Variants in NXPH4 observed in about 807,000 individuals in gnomAD.
NXPH4 encodes the protein neurexophilin-4.
NXPH4 carries 8 observed loss-of-function variants against 21.3 expected under a neutral mutation model. The observed-to-expected ratio is 0.38, with a 90% CI of 0.22 to 0.68. NXPH4 has a LOEUF of 0.68. Ranked by LOEUF, NXPH4 falls within the 30% of genes least tolerant of loss-of-function variation. The probability of loss-of-function intolerance (pLI) is 0.53; values close to 1 mark genes in which losing one functional copy is unlikely to be tolerated. For missense variants in NXPH4, 418 were observed against 416.8 expected (o/e 1.00, Z -0.03); for synonymous variants, 219 against 192.6 (o/e 1.14, Z -1.13).
At chr12:57,224,492 C>T (rs1214263132) in intron 1 of NXPH4, among the ~76,000 whole-genome samples, 3 of 152,180 alleles carry the variant, frequency 2.0e-5, no homozygotes, top group Non-Finnish European at 4.4e-5. Context: ...TGCTCAGAGT[C>T]CAGTCCCTCC....
intron 1 of NXPH4, among the ~76,000 whole-genome samples, chr12:57,217,601 C>A (rs906837946): frequency 2.6e-5 from 4 of 152,202 alleles, no homozygotes; most frequent in African/African-American, 4.8e-5. Flanking sequence ...TGCACGACCT[C>A]ACAGACACAC....
At chr12:57,224,073 T>C (rs1417185263) in intron 1 of NXPH4, among the ~76,000 whole-genome samples, 4 of 152,242 alleles carry the variant, frequency 2.6e-5, no homozygotes, top group African/African-American at 9.6e-5. Flanking sequence ...CTCTGGTCTC[T>C]GAGGTCCTGG....
chr12:57,217,514 A>T (rs1217821545), intron 1 of NXPH4, among the ~76,000 whole-genome samples: 3 of 152,162 alleles, frequency 2.0e-5, no homozygotes, highest in Non-Finnish European at 4.4e-5. Context: ...ACACGCACAC[A>T]CGGACTCAGG....
rs541756086 is a variant in NXPH4, at chr12:57,225,804, A to AC, written c.*62dup. ...CCAAATCCCAGCCTCACTAGGTGGGACCCCCTTCCCAGTGTTCTGCCGCTC... is the reference window on the plus strand; with the variant it reads ...CCAAATCCCAGCCTCACTAGGTGGGACCCCCCTTCCCAGTGTTCTGCCGCTC... On this transcript the variant is annotated 3_prime_UTR_variant, in exon 2 of 2. Coordinates refer to ENST00000349394, the MANE Select transcript of NXPH4 (RefSeq NM_007224.4). 1.5e-3 allele frequency: 2,346 copies of AC among 1,556,046 alleles called. 2 individuals carry two copies. Among genetic ancestry groups the AC allele is most frequent in the South Asian group, 3.3e-3 (274 of 83,212 alleles).
In NXPH4 at chr12:57,225,835, G is replaced by A. The variant is rs2037141489; in HGVS notation, c.*88G>A. 6.6e-7 allele frequency: 1 copy of A among 1,524,574 alleles called. No homozygotes were observed. Among genetic ancestry groups the A allele is most frequent in the African/African-American group, 1.4e-5 (1 of 72,572 alleles). The allele number at this position is 1,524,574 out of a possible 1,614,324, so 94.4% of individuals were successfully genotyped here. On this transcript the variant is annotated 3_prime_UTR_variant, in exon 2 of 2. Coordinates refer to ENST00000349394, the MANE Select transcript of NXPH4 (RefSeq NM_007224.4). ...TTCCCAGTGTTCTGCCGCTCCTGTGGCCATGTCGCCCACTCCTTCCACTCT... is the reference window on the plus strand; with the variant it reads ...TTCCCAGTGTTCTGCCGCTCCTGTGACCATGTCGCCCACTCCTTCCACTCT...
chr12:57,224,420 C>T (rs372538608), intron 1 of NXPH4, among the ~76,000 whole-genome samples: 19 of 152,282 alleles, frequency 1.2e-4, no homozygotes, highest in African/African-American at 4.3e-4. Flanking sequence ...CCGCGTGTGC[C>T]GGGCGGGAGC....
At chr12:57,223,370 C>T (rs932008373) in intron 1 of NXPH4, among the ~76,000 whole-genome samples, 1 of 152,080 alleles carries the variant, frequency 6.6e-6, no homozygotes, top group Non-Finnish European at 1.5e-5. Flanking sequence ...CCCAGCCAAT[C>T]CAGGCACATA....
intron 1 of NXPH4, 29 bp from the exon 2 acceptor site, chr12:57,224,849 G>GTC (rs745896523): frequency 1.5e-5 from 10 of 672,526 alleles, no homozygotes; most frequent in Middle Eastern, 3.9e-4. Context: ...CAACCCCAGC[G>GTC]TCTCTCTCTC....
chr12:57,217,742 G>A (rs2037054273), intron 1 of NXPH4, among the ~76,000 whole-genome samples: 1 of 152,218 alleles, frequency 6.6e-6, no homozygotes, highest in Admixed American at 6.5e-5. Flanking sequence ...CAGAGGCTAA[G>A]GGAGCTCAGA....
intron 1 of NXPH4, among the ~76,000 whole-genome samples, chr12:57,221,810 T>C (rs1015503077): frequency 2.6e-5 from 4 of 152,194 alleles, no homozygotes; most frequent in African/African-American, 4.8e-5. Flanking sequence ...ACAAGAGCTC[T>C]GGGCAGAGGA....
intron 1 of NXPH4, among the ~76,000 whole-genome samples, chr12:57,224,290 T>TA (rs75008988): frequency 0.019 from 2,896 of 152,136 alleles, 57 homozygotes; most frequent in East Asian, 0.069. Context: ...AACGCCCGCC[T>TA]AATTTTAGTA....
chr12:57,225,491 G>T lies in NXPH4; in HGVS notation c.671G>T (p.Gly224Val). Residue 224 changes from glycine to valine, a missense_variant, in exon 2 of 2, where the codon GGG becomes GTG. Coordinates refer to ENST00000349394, the MANE Select transcript of NXPH4 (RefSeq NM_007224.4). ...CTTGGGGGCGCGTTGGGAGTGCCTG[G>T]GGCCAAAGAGTCACGCGCTTTCAAT... ...GPLGGALGVP[G>V]AKESRAFNCH... The T allele has an allele frequency of 6.2e-7, 1 of 1,607,286 alleles. No homozygotes were observed.
In NXPH4 at chr12:57,216,955, C is replaced by T; in HGVS notation, c.-15C>T. The T allele has an allele frequency of 6.3e-7, 1 of 1,587,482 alleles. No homozygotes were observed. Among genetic ancestry groups the T allele is most frequent in the South Asian group, 1.1e-5 (1 of 87,364 alleles). On this transcript the variant is annotated 5_prime_UTR_variant, in exon 1 of 2. Transcript: ENST00000349394. The surrounding 1 kb of genome is among the most constrained non-coding windows in gnomAD (Gnocchi z 5.3). ...CGAGACCCGCCCAGCCTGCCCCGCT[C>T]AGCCGCCAGAGAAGATGCGGCTGCT...
chr12:57,225,006 C>T lies in NXPH4; in HGVS notation c.186C>T (p.Gly62=). The T allele has an allele frequency of 1.3e-6, 2 of 1,495,414 alleles. No individual in the cohort carries two copies. The highest frequency in any genetic ancestry group is 1.3e-5 in the South Asian group (1 of 79,098). The allele number at this position is 1,495,414 out of a possible 1,614,324, so 92.6% of individuals were successfully genotyped here. ...GGTCTTCGGACGGCCTAGGCGTGGGCCGCGCCTGGAGCTGGGCCTGGCCGA... is the reference window on the plus strand; with the variant it reads ...GGTCTTCGGACGGCCTAGGCGTGGGTCGCGCCTGGAGCTGGGCCTGGCCGA... ...EPRSSDGLGV[G]RAWSWAWPTN... Residue 62 remains glycine, a synonymous_variant, in exon 2 of 2, where the codon GGC becomes GGT. Transcript: ENST00000349394.
intron 1 of NXPH4, among the ~76,000 whole-genome samples, chr12:57,218,423 G>T (rs540363985): frequency 6.6e-6 from 1 of 152,180 alleles, no homozygotes; most frequent in Non-Finnish European, 1.5e-5. Flanking sequence ...AGTGGGGGGG[G>T]TCTGTGCCCT....
At chr12:57,222,600 G>A (rs1220352019) in intron 1 of NXPH4, among the ~76,000 whole-genome samples, 2 of 151,910 alleles carry the variant, frequency 1.3e-5, no homozygotes, top group African/African-American at 2.4e-5. Context: ...CCACCCTTCA[G>A]CTTTCCCAGG....
chr12:57,220,402 G>A (rs1235018904), intron 1 of NXPH4, among the ~76,000 whole-genome samples: 1 of 152,280 alleles, frequency 6.6e-6, no homozygotes, highest in Non-Finnish European at 1.5e-5. Flanking sequence ...CGCGGGGCGG[G>A]GGGCGGGGGG....
Position 57,225,384 on chromosome 12 carries a change from G to A in NXPH4, c.564G>A (p.Gly188=), listed in dbSNP as rs754821408. Reference sequence around the variant, plus strand: ...TCGCCCTGGAGGGGGTGCTTCCTGGGCTGGGGCCCCCGCTGGGGATGGCAG... The same window carrying A: ...TCGCCCTGGAGGGGGTGCTTCCTGGACTGGGGCCCCCGCTGGGGATGGCAG... ...STLALEGVLP[G]LGPPLGMAAA... Residue 188 remains glycine, a synonymous_variant, in exon 2 of 2, where the codon GGG becomes GGA. Transcript: ENST00000349394. 3 of 1,595,444 alleles carry A rather than the reference G, an allele frequency of 1.9e-6. No individual in the cohort carries two copies. Among genetic ancestry groups the A allele is most frequent in the Middle Eastern group, 1.7e-4 (1 of 6,000 alleles).
intron 1 of NXPH4, among the ~76,000 whole-genome samples, chr12:57,222,626 C>T (rs535570632): frequency 1.7e-3 from 264 of 152,166 alleles, no homozygotes; most frequent in African/African-American, 6.1e-3. Flanking sequence ...TAACCTCCCT[C>T]CCCCAATGCC....
Sources: allele counts gnomAD v4.1 joint callset (sites outside exome capture counted in the v4.1 genomes callset), GRCh38; gene constraint gnomAD v4.1.1; non-coding constraint Gnocchi (gnomAD v3.1); transcripts MANE v1.5; gene names NCBI Gene and HGNC (gene_info 2026-07-23, HGNC 2026-07-21).